MYH7B: variants seen among roughly 807,000 people sequenced by gnomAD.
MYH7B encodes the protein myosin heavy chain 7B, also known as myosin-7B.
MYH7B carries 205 observed loss-of-function variants against 234.5 expected under a neutral mutation model. That is an observed-to-expected ratio of 0.87 (90% CI 0.78 to 0.98). MYH7B has a LOEUF of 0.98. MYH7B is among the 50% of genes least tolerant of loss of function. The pLI is 0.00. For synonymous variants in MYH7B, 1,193 were observed against 1,105.0 expected, an observed-to-expected ratio of 1.08 and a Z score of -1.58; for missense variants, 2,652 against 2,633.4, an observed-to-expected ratio of 1.01 and a Z score of -0.15.
In MYH7B at chr20:35,002,231, C is replaced by A. The variant is rs142729534; in HGVS notation, c.*43C>A. ...CTCTAAAGAGGAATGTCTGCTGTTG[C>A]ACATCTGGCTGAGGCCACCTGCCCC... On this transcript the variant is annotated 3_prime_UTR_variant, in exon 45 of 45. Transcript: ENST00000262873. 4 of 1,504,910 alleles carry A rather than the reference C, an allele frequency of 2.7e-6. No individual in the cohort carries two copies. The African/African-American group carries it at 5.5e-5, about 21-fold the overall frequency. The allele number at this position is 1,504,910 out of a possible 1,614,324, so 93.2% of individuals were successfully genotyped here. A position where few individuals can be genotyped will look rare whatever the true frequency, so the allele number is the denominator to read the frequency against.
exon 19 of MYH7B, chr20:34,988,167 G>C: frequency 6.2e-7 from 1 of 1,614,222 alleles, no homozygotes. Flanking sequence ...GCACATGTTT[G>C]TGCTGGAGCA....
chr20:34,996,986 C>T (rs2082271863), intron 30 of MYH7B, 97 bp from the exon 31 acceptor site: 2 of 1,379,216 alleles, frequency 1.5e-6, no homozygotes, highest in Non-Finnish European at 2.0e-6. Flanking sequence ...GGGGTGAGGT[C>T]CCTCAGGGCC....
At chr20:34,963,828 C>T (rs918722975) in intron 2 of MYH7B, among the ~76,000 whole-genome samples, 2 of 152,084 alleles carry the variant, frequency 1.3e-5, no homozygotes, top group Non-Finnish European at 2.9e-5. Context: ...GACACTTTTT[C>T]ATGGTATTTG....
intron 2 of MYH7B, among the ~76,000 whole-genome samples, chr20:34,968,198 G>A (rs958700146): frequency 3.3e-5 from 5 of 152,222 alleles, no homozygotes; most frequent in East Asian, 1.9e-4. Context: ...GTAAATGGCA[G>A]AGCAAGGATT....
intron 25 of MYH7B, 40 bp downstream of exon 25, chr20:34,993,265 C>T (rs777952093): frequency 6.8e-6 from 11 of 1,613,854 alleles, no homozygotes; most frequent in African/African-American, 6.7e-5. Flanking sequence ...ATGGCTGTGG[C>T]GGTCACACTG....
At chr20:34,980,405 C>T (rs1358873506) in intron 7 of MYH7B, 173 bp from the exon 8 acceptor site, 6 of 617,332 alleles carry the variant, frequency 9.7e-6, no homozygotes, top group African/African-American at 7.3e-5. Flanking sequence ...AAAAATTAGC[C>T]GGTCGTGGTG....
rs763374118 is a variant in MYH7B at position 35,002,078 on chromosome 20, G to GC, written c.5811dup (p.Lys1938GlnfsTer8). ...CGGGCACGGACCCGGGACGCCCTGG[G>GC]CCCCAAGGTGAGGAGTGGCAGGGGC... On this transcript the variant is annotated frameshift_variant, in exon 44 of 45. Coordinates refer to ENST00000262873, the Ensembl canonical transcript of MYH7B. LOFTEE classifies it high-confidence loss of function. The GC allele has an allele frequency of 1.9e-6, 3 of 1,613,802 alleles. No homozygotes were observed. Among genetic ancestry groups the GC allele is most frequent in the South Asian group, 2.2e-5 (2 of 91,078 alleles).
At chr20:34,969,374 A>G (rs896545220) in intron 2 of MYH7B, among the ~76,000 whole-genome samples, 1 of 152,136 alleles carries the variant, frequency 6.6e-6, no homozygotes, top group African/African-American at 2.4e-5. Context: ...GGGAAAAAAA[A>G]TCACTCTGCC....
exon 32 of MYH7B, chr20:34,997,394 G>C: frequency 6.7e-7 from 1 of 1,491,424 alleles, no homozygotes; most frequent in Non-Finnish European, 8.8e-7. Flanking sequence ...CCGCGGGGCA[G>C]CGCGAGGGCT....
chr20:34,982,672 C>T, intron 10 of MYH7B, 117 bp downstream of exon 10: 3 of 902,776 alleles, frequency 3.3e-6, no homozygotes, highest in Non-Finnish European at 4.9e-6. Flanking sequence ...GAACCCTGAG[C>T]CCTGCCTGAG....
At chr20:34,995,500 G>A (rs1416163249) in exon 28 of MYH7B, 6 of 1,614,060 alleles carry the variant, frequency 3.7e-6, no homozygotes, top group Non-Finnish European at 5.1e-6. Flanking sequence ...ACGAGTGCAC[G>A]GAGCTCAAGA....
At chr20:34,995,035 C>G (rs1444245881) in intron 27 of MYH7B, among the ~76,000 whole-genome samples, 1 of 152,202 alleles carries the variant, frequency 6.6e-6, no homozygotes, top group Admixed American at 6.5e-5. Flanking sequence ...GCTCACCCTG[C>G]CCCTCGGAAG....
intron 2 of MYH7B, among the ~76,000 whole-genome samples, chr20:34,970,380 C>T (rs1033011783): frequency 6.6e-6 from 1 of 152,198 alleles, no homozygotes; most frequent in Non-Finnish European, 1.5e-5. Context: ...TTCAGACACA[C>T]CCTGGTCCCA....
chr20:34,990,032 G>C (rs2082112587), exon 21 of MYH7B: 1 of 1,614,146 alleles, frequency 6.2e-7, no homozygotes, highest in Non-Finnish European at 8.5e-7. Flanking sequence ...CAGCATTGTG[G>C]GCTGGCTGGA....
At position 34,995,586 on chromosome 20, in the gene MYH7B, C is replaced by A. The variant is rs2082241440; in HGVS notation, c.2943+8C>A. On this transcript the variant is annotated splice_region_variant and intron_variant, in intron 28 of 44. Coordinates refer to ENST00000262873, the Ensembl canonical transcript of MYH7B. ...CAAGCCACTGAGAACAAGGTGTGGG[C>A]CGGGCCAGCTGTGGGGAAGGGCCCT... The A allele has an allele frequency of 6.2e-7, 1 of 1,613,468 alleles. No individual in the cohort carries two copies. The highest frequency in any genetic ancestry group is 1.1e-5 in the South Asian group (1 of 91,080).
In MYH7B at chr20:34,981,234, C is replaced by T. The variant is rs376638086; in HGVS notation, c.527+174C>T. On this transcript the variant is annotated intron_variant, in intron 9 of 44. Transcript: ENST00000262873. Reference sequence around the variant, plus strand: ...TAGGCCTGAGCACTTTCCCTGCCCCCATTCTGAACAGATGTGTTCTTGATG... The same window carrying T: ...TAGGCCTGAGCACTTTCCCTGCCCCTATTCTGAACAGATGTGTTCTTGATG... 132 of 719,370 alleles carry T rather than the reference C, an allele frequency of 1.8e-4. No homozygotes were observed. The Middle Eastern group carries it at 7.2e-3, about 39-fold the overall frequency. 44.6% of individuals were successfully genotyped at this position (719,370 alleles called of 1,614,324 possible).
chr20:34,973,697 A>G (rs907057462), intron 2 of MYH7B, among the ~76,000 whole-genome samples: 1 of 152,030 alleles, frequency 6.6e-6, no homozygotes, highest in Non-Finnish European at 1.5e-5. Flanking sequence ...CCATGGATCT[A>G]CTTTTGAGGC....
chr20:34,993,056 C>G, intron 24 of MYH7B, 46 bp from the exon 25 acceptor site: 1 of 1,585,370 alleles, frequency 6.3e-7, no homozygotes, highest in Non-Finnish European at 8.6e-7. Context: ...GTGGCCTGTG[C>G]CCCATACCCA....
intron 2 of MYH7B, among the ~76,000 whole-genome samples, chr20:34,971,404 C>A (rs574742200): frequency 6.6e-6 from 1 of 152,152 alleles, no homozygotes; most frequent in Admixed American, 6.5e-5. Flanking sequence ...CCCCTCCCCC[C>A]AGTAACCTTT....
Sources: allele counts gnomAD v4.1 joint callset (sites outside exome capture counted in the v4.1 genomes callset), GRCh38; gene constraint gnomAD v4.1.1; transcripts MANE v1.5; gene names NCBI Gene and HGNC (gene_info 2026-07-23, HGNC 2026-07-21).